MYO1D: variants seen among roughly 807,000 people sequenced by gnomAD.
MYO1D encodes the protein unconventional myosin-Id.
Under a neutral mutation model 122.0 loss-of-function variants are expected in MYO1D, and 83 were observed. The ratio of observed to expected loss-of-function variants is 0.68; its 90% CI spans 0.57 to 0.82. The LOEUF is 0.82. Among genes scored for constraint, MYO1D ranks in the 40% least tolerant of loss-of-function variants. The probability of loss-of-function intolerance (pLI) is 0.00; values close to 1 mark genes in which losing one functional copy is unlikely to be tolerated. For missense variants in MYO1D, 1,157 were observed against 1,269.5 expected, an observed-to-expected ratio of 0.91 and a Z score of 1.35; for synonymous variants, 464 against 446.9, an observed-to-expected ratio of 1.04 and a Z score of -0.48.
At chr17:32,628,062 T>C (rs1394023587) in intron 20 of MYO1D, among the ~76,000 whole-genome samples, 1 of 152,210 alleles carries the variant, frequency 6.6e-6, no homozygotes, top group East Asian at 1.9e-4. Context: ...GACACAATAT[T>C]GCTAATTATG....
chr17:32,859,619 T>A (rs1056018942), intron 1 of MYO1D, among the ~76,000 whole-genome samples: 3 of 152,210 alleles, frequency 2.0e-5, no homozygotes, highest in Admixed American at 6.5e-5. Flanking sequence ...ATGAATTCTG[T>A]CTTTTGGGGT....
At chr17:32,580,524 C>T (rs1367015069) in intron 21 of MYO1D, among the ~76,000 whole-genome samples, 2 of 151,250 alleles carry the variant, frequency 1.3e-5, no homozygotes, top group South Asian at 2.1e-4. Flanking sequence ...ATTCTCCTGC[C>T]TCAGCCTCCT....
chr17:32,560,617 G>C (rs2087116110), intron 21 of MYO1D, among the ~76,000 whole-genome samples: 1 of 129,316 alleles, frequency 7.7e-6, no homozygotes, highest in African/African-American at 2.8e-5. Context: ...CTCAAGATTA[G>C]CCGGTGAATC....
chr17:32,659,050 G>C (rs2088515259), intron 17 of MYO1D, 65 bp downstream of exon 17: 2 of 1,415,856 alleles, frequency 1.4e-6, no homozygotes, highest in Non-Finnish European at 2.0e-6. Context: ...TCTCAGACTT[G>C]TGACTTTGCA....
intron 21 of MYO1D, among the ~76,000 whole-genome samples, chr17:32,561,881 G>T (rs2087129559): frequency 6.6e-6 from 1 of 152,062 alleles, no homozygotes; most frequent in Non-Finnish European, 1.5e-5. Flanking sequence ...AAAATTTTCT[G>T]TGATTATCAA....
Position 32,543,583 on chromosome 17 carries a change from C to T in MYO1D, c.2865-48668G>A, listed in dbSNP as rs113226564. Reference sequence around the variant, plus strand: ...ATCAAGACTCTGTCTCAAAAACAAACAAATAAATAAATAAATAAAAAATAA... The same window carrying T: ...ATCAAGACTCTGTCTCAAAAACAAATAAATAAATAAATAAATAAAAAATAA... On this transcript the variant is annotated intron_variant, in intron 21 of 21. Transcript: ENST00000318217. 2.9e-4 allele frequency among the ~76,000 whole-genome samples: 43 copies of T among 150,362 alleles called. 1 individual carries two copies. The highest frequency in any genetic ancestry group is 1.0e-3 in the African/African-American group (41 of 40,960).
At chr17:32,525,508 G>C (rs1910312099) in intron 21 of MYO1D, among the ~76,000 whole-genome samples, 1 of 151,606 alleles carries the variant, frequency 6.6e-6, no homozygotes, top group African/African-American at 2.4e-5. Flanking sequence ...GATATAATAA[G>C]GTGTGACATC....
intron 21 of MYO1D, among the ~76,000 whole-genome samples, chr17:32,500,113 C>G (rs1003670175): frequency 2.6e-5 from 4 of 152,196 alleles, no homozygotes; most frequent in Non-Finnish European, 5.9e-5. Flanking sequence ...GTGGTGCTGC[C>G]CTGCACACAG....
intron 21 of MYO1D, among the ~76,000 whole-genome samples, chr17:32,517,913 T>G (rs1371313646): frequency 1.3e-5 from 2 of 152,180 alleles, no homozygotes; most frequent in Non-Finnish European, 2.9e-5. Flanking sequence ...GAGGAGGATG[T>G]GGAGATGGGC....
At chr17:32,516,171 T>C (rs752888012) in intron 21 of MYO1D, among the ~76,000 whole-genome samples, 2 of 152,250 alleles carry the variant, frequency 1.3e-5, no homozygotes, top group Non-Finnish European at 2.9e-5. Context: ...AGTAATCTTG[T>C]CAGGCAGAGC....
intron 7 of MYO1D, 27 bp from the exon 8 acceptor site, chr17:32,765,108 C>A (rs1359073037): frequency 6.6e-7 from 1 of 1,519,334 alleles, no homozygotes; most frequent in Non-Finnish European, 9.1e-7. Context: ...AAAAATAACA[C>A]ATTATGAAAC....
chr17:32,683,989 G>A (rs963078523), intron 16 of MYO1D, among the ~76,000 whole-genome samples: 2 of 152,264 alleles, frequency 1.3e-5, no homozygotes, highest in Non-Finnish European at 2.9e-5. Flanking sequence ...CGCAATATTC[G>A]GGTGGGAGTG....
At chr17:32,685,171 AATGAT>A (rs1437760329) in intron 16 of MYO1D, among the ~76,000 whole-genome samples, 1 of 152,210 alleles carries the variant, frequency 6.6e-6, no homozygotes, top group African/African-American at 2.4e-5. Flanking sequence ...GGCCTGTGAG[AATGAT>A]ATAATTCCTC....
At chr17:32,555,902 A>G (rs750769516) in intron 21 of MYO1D, among the ~76,000 whole-genome samples, 2 of 152,176 alleles carry the variant, frequency 1.3e-5, no homozygotes, top group African/African-American at 2.4e-5. Flanking sequence ...TCATCTTCCG[A>G]GCCTGAGCTG....
At chr17:32,774,594 G>A (rs1403900895) in intron 4 of MYO1D, among the ~76,000 whole-genome samples, 2 of 152,154 alleles carry the variant, frequency 1.3e-5, no homozygotes, top group Admixed American at 6.5e-5. Flanking sequence ...TGCCTTAGAT[G>A]GTTCCAAAAA....
chr17:32,701,075 T>G (rs1224708996), intron 16 of MYO1D, among the ~76,000 whole-genome samples: 1 of 151,690 alleles, frequency 6.6e-6, no homozygotes, highest in Non-Finnish European at 1.5e-5. Flanking sequence ...TAAATGAAAT[T>G]CACAAAATAA....
intron 1 of MYO1D, among the ~76,000 whole-genome samples, chr17:32,859,191 G>A (rs1397506379): frequency 2.0e-5 from 3 of 152,322 alleles, no homozygotes; most frequent in Non-Finnish European, 2.9e-5. Flanking sequence ...CTGTCTAGCT[G>A]TATATTGAAA....
chr17:32,516,703 G>T (rs1909904093), intron 21 of MYO1D, among the ~76,000 whole-genome samples: 1 of 152,204 alleles, frequency 6.6e-6, no homozygotes, highest in South Asian at 2.1e-4. Context: ...TACCTCAGTG[G>T]GCAGTTTAGG....
At chr17:32,824,797 G>A (rs746527303) in intron 1 of MYO1D, among the ~76,000 whole-genome samples, 12 of 152,072 alleles carry the variant, frequency 7.9e-5, no homozygotes, top group Non-Finnish European at 1.6e-4. Flanking sequence ...TTGAATGTAT[G>A]TATGGGTATG....
Sources: gnomAD v4.1 joint callset for allele counts (sites outside exome capture counted in the v4.1 genomes callset) on GRCh38, gnomAD v4.1.1 for gene constraint, MANE v1.5 for transcripts, NCBI Gene and HGNC (gene_info 2026-07-23, HGNC 2026-07-21) for gene names.